Variants in LHFPL6 observed in about 807,000 individuals in gnomAD.
LHFPL6 encodes LHFPL tetraspan subfamily member 6 protein.
Under a neutral mutation model 20.6 loss-of-function variants are expected in LHFPL6, and 9 were observed. The observed-to-expected ratio is 0.44, with a 90% confidence interval of 0.26 to 0.76. The LOEUF is 0.76. Among genes scored for constraint, LHFPL6 ranks in the 30% least tolerant of loss-of-function variants. The pLI, the probability that LHFPL6 is intolerant of heterozygous loss-of-function variation, is 0.20. For synonymous variants in LHFPL6, 105 were observed against 98.7 expected (o/e 1.06, Z -0.38); for missense variants, 218 against 253.5 (o/e 0.86, Z 0.95).
At chr13:39,480,735 A>G (rs1222828996) in intron 2 of LHFPL6, among the ~76,000 whole-genome samples, 2 of 152,184 alleles carry the variant, frequency 1.3e-5, no homozygotes, top group Non-Finnish European at 2.9e-5. Context: ...ACATTATTAT[A>G]CCATAATTTT....
chr13:39,411,790 A>G (rs1272685816), intron 2 of LHFPL6, among the ~76,000 whole-genome samples: 1 of 152,250 alleles, frequency 6.6e-6, no homozygotes, highest in Non-Finnish European at 1.5e-5. Context: ...AAGCACTGCC[A>G]GCTATTTACA....
At chr13:39,433,971 G>A (rs1464199185) in intron 2 of LHFPL6, among the ~76,000 whole-genome samples, 1 of 152,124 alleles carries the variant, frequency 6.6e-6, no homozygotes, top group Non-Finnish European at 1.5e-5. Context: ...CAAAGAGCCT[G>A]CTATCTGTGA....
intron 2 of LHFPL6, among the ~76,000 whole-genome samples, chr13:39,440,056 A>C (rs1872072985): frequency 6.6e-6 from 1 of 152,218 alleles, no homozygotes; most frequent in African/African-American, 2.4e-5. Flanking sequence ...ACAGAGCCTG[A>C]ATGGTGAAGT....
At chr13:39,354,960 A>G (rs1354521822) in intron 3 of LHFPL6, among the ~76,000 whole-genome samples, 2 of 151,682 alleles carry the variant, frequency 1.3e-5, no homozygotes, top group East Asian at 3.9e-4. Context: ...AAGGAGAGAG[A>G]GTAAGCAATC....
chr13:39,440,879 C>T (rs143413381), intron 2 of LHFPL6, among the ~76,000 whole-genome samples: 169 of 152,224 alleles, frequency 1.1e-3, no homozygotes, highest in African/African-American at 3.9e-3. Flanking sequence ...ATGAGTCTCA[C>T]GAGGTCTGAT....
At chr13:39,397,754 T>C (rs1363906052) in intron 2 of LHFPL6, among the ~76,000 whole-genome samples, 1 of 152,208 alleles carries the variant, frequency 6.6e-6, no homozygotes, top group African/African-American at 2.4e-5. Flanking sequence ...GGAAAGAAAC[T>C]TGTTCCGGGA....
intron 2 of LHFPL6, among the ~76,000 whole-genome samples, chr13:39,438,752 T>C (rs1872031937): frequency 6.6e-6 from 1 of 152,196 alleles, no homozygotes; most frequent in Non-Finnish European, 1.5e-5. Flanking sequence ...AGGCCACAGT[T>C]TTTGAGGGTG....
intron 2 of LHFPL6, among the ~76,000 whole-genome samples, chr13:39,383,893 A>G (rs920645040): frequency 2.0e-5 from 3 of 152,158 alleles, no homozygotes; most frequent in African/African-American, 4.8e-5. Flanking sequence ...CCCCCTCCTC[A>G]TCACCCACTA....
chr13:39,410,898 C>T (rs997961162), intron 2 of LHFPL6, among the ~76,000 whole-genome samples: 3 of 152,306 alleles, frequency 2.0e-5, no homozygotes, highest in Admixed American at 6.5e-5. Flanking sequence ...ACTTCCTGAT[C>T]ACACAACTGC....
At chr13:39,530,477 A>T (rs1363704979) in intron 2 of LHFPL6, among the ~76,000 whole-genome samples, 1 of 152,006 alleles carries the variant, frequency 6.6e-6, no homozygotes, top group Non-Finnish European at 1.5e-5. Flanking sequence ...CTGTTACCGG[A>T]GAGTTTCCAG....
chr13:39,477,168 C>A (rs999494028), intron 2 of LHFPL6, among the ~76,000 whole-genome samples: 2 of 152,154 alleles, frequency 1.3e-5, no homozygotes, highest in Non-Finnish European at 2.9e-5. Flanking sequence ...TCTGCTGCAA[C>A]CTCTGTTTCT....
chr13:39,466,086 C>T (rs1371281598), intron 2 of LHFPL6, among the ~76,000 whole-genome samples: 1 of 152,128 alleles, frequency 6.6e-6, no homozygotes, highest in East Asian at 1.9e-4. Flanking sequence ...GTGGGTTCCT[C>T]TTCATGAGAG....
At chr13:39,553,514 C>G (rs899327040) in intron 2 of LHFPL6, among the ~76,000 whole-genome samples, 2 of 152,118 alleles carry the variant, frequency 1.3e-5, no homozygotes, top group Non-Finnish European at 2.9e-5. Flanking sequence ...GAGTTCAAGA[C>G]CAGCCTGAGC....
chr13:39,400,011 C>G (rs766026630), intron 2 of LHFPL6, among the ~76,000 whole-genome samples: 3 of 152,106 alleles, frequency 2.0e-5, no homozygotes, highest in African/African-American at 4.8e-5. Flanking sequence ...GAGAATTGCT[C>G]GAACCCAGGA....
intron 2 of LHFPL6, among the ~76,000 whole-genome samples, chr13:39,590,979 A>T (rs376226689): frequency 2.6e-5 from 4 of 152,220 alleles, no homozygotes; most frequent in Admixed American, 1.3e-4. Flanking sequence ...CAACTCTCTT[A>T]GAAAGACTCT....
intron 2 of LHFPL6, among the ~76,000 whole-genome samples, chr13:39,402,102 T>C (rs533287745): frequency 1.6e-4 from 24 of 152,348 alleles, no homozygotes; most frequent in African/African-American, 4.8e-4. Flanking sequence ...AAAAAGAATG[T>C]AAAATACCTC....
chr13:39,372,276 G>A (rs1054358960), intron 3 of LHFPL6, among the ~76,000 whole-genome samples: 1 of 152,208 alleles, frequency 6.6e-6, no homozygotes, highest in Admixed American at 6.5e-5. Flanking sequence ...AGCCAGACTT[G>A]TATAACCTAA....
chr13:39,488,913 A>G (rs112810979), intron 2 of LHFPL6, among the ~76,000 whole-genome samples: 14 of 152,314 alleles, frequency 9.2e-5, no homozygotes, highest in African/African-American at 3.1e-4. Context: ...TTTAGATTCT[A>G]TCTCCTTCAT....
intron 2 of LHFPL6, among the ~76,000 whole-genome samples, chr13:39,450,884 C>A (rs1566114330): frequency 2.0e-5 from 3 of 152,036 alleles, no homozygotes; most frequent in Admixed American, 6.5e-5. Flanking sequence ...GCAGTAGGGA[C>A]CCTGAACTGC....
Sources: gnomAD v4.1 joint callset for allele counts (sites outside exome capture counted in the v4.1 genomes callset) on GRCh38, gnomAD v4.1.1 for gene constraint, MANE v1.5 for transcripts, NCBI Gene and HGNC (gene_info 2026-07-23, HGNC 2026-07-21) for gene names.